COL24A1: variants seen among roughly 807,000 people sequenced by gnomAD.
COL24A1 encodes the protein collagen alpha-1(XXIV) chain.
COL24A1 carries 224 observed loss-of-function variants against 253.9 expected under a neutral mutation model. The ratio of observed to expected loss-of-function variants is 0.88; its 90% CI spans 0.79 to 0.99. The LOEUF is 0.99. COL24A1 is among the 50% of genes least tolerant of loss of function. COL24A1 has a pLI of 0.00. For synonymous variants in COL24A1, 685 were observed against 673.7 expected, an observed-to-expected ratio of 1.02 and a Z score of -0.26; for missense variants, 2,131 against 2,068.5, an observed-to-expected ratio of 1.03 and a Z score of -0.59.
At chr1:86,040,919 T>C (rs1016762310) in intron 12 of COL24A1, among the ~76,000 whole-genome samples, 1 of 152,166 alleles carries the variant, frequency 6.6e-6, no homozygotes, top group African/African-American at 2.4e-5. Flanking sequence ...CCACAAAATG[T>C]ATGTATCTGA....
At chr1:85,834,799 C>T (rs1331080724) in intron 43 of COL24A1, among the ~76,000 whole-genome samples, 2 of 152,144 alleles carry the variant, frequency 1.3e-5, no homozygotes, top group Admixed American at 1.3e-4. Context: ...TTATTCCCTC[C>T]ATGTCCTCTG....
At chr1:86,134,583 T>C (rs907956975) in intron 2 of COL24A1, among the ~76,000 whole-genome samples, 19 of 151,182 alleles carry the variant, frequency 1.3e-4, no homozygotes, top group African/African-American at 4.4e-4. Flanking sequence ...AACATCTTTA[T>C]TTCTGCCTTC....
intron 20 of COL24A1, among the ~76,000 whole-genome samples, chr1:85,981,128 T>C (rs931772530): frequency 2.0e-5 from 3 of 152,178 alleles, no homozygotes; most frequent in Admixed American, 2.0e-4. Flanking sequence ...ATCATCATTC[T>C]TCATGGAACT....
At chr1:85,924,482 T>G (rs1407646820) in intron 24 of COL24A1, among the ~76,000 whole-genome samples, 1 of 152,168 alleles carries the variant, frequency 6.6e-6, no homozygotes, top group African/African-American at 2.4e-5. Context: ...ATTACCAAGT[T>G]GGCTTCATCC....
In COL24A1 at chr1:85,968,793, C is replaced by A. The variant is rs558721251; in HGVS notation, c.2463+1434G>T. 3.9e-5 allele frequency among the ~76,000 whole-genome samples: 6 copies of A among 152,180 alleles called. No homozygotes were observed. The East Asian group carries it at 1.2e-3, about 29-fold the overall frequency. On this transcript the variant is annotated intron_variant, in intron 22 of 59. Coordinates refer to ENST00000370571, the MANE Select transcript of COL24A1 (RefSeq NM_152890.7). ...TATTTACATTATGGAAAGAATCTCA[C>A]TGGAATCTGGTATCAGCACATTTTC...
intron 19 of COL24A1, among the ~76,000 whole-genome samples, chr1:85,993,755 T>A (rs1379421599): frequency 6.6e-6 from 1 of 151,980 alleles, no homozygotes; most frequent in Admixed American, 6.6e-5. Context: ...AGAAAGGTAT[T>A]TAGTATTGGG....
chr1:86,005,331 A>G (rs1695839296), intron 19 of COL24A1, among the ~76,000 whole-genome samples: 1 of 152,126 alleles, frequency 6.6e-6, no homozygotes, highest in Non-Finnish European at 1.5e-5. Flanking sequence ...GTGAACATAT[A>G]TTAGGTAAAA....
chr1:85,878,752 T>A (rs542665043), intron 32 of COL24A1, among the ~76,000 whole-genome samples: 1 of 152,320 alleles, frequency 6.6e-6, no homozygotes, highest in South Asian at 2.1e-4. Context: ...TGTGGCATTA[T>A]CAAAGTTTTA....
chr1:85,996,353 C>G (rs754353992), intron 19 of COL24A1, among the ~76,000 whole-genome samples: 1 of 152,110 alleles, frequency 6.6e-6, no homozygotes, highest in Non-Finnish European at 1.5e-5. Context: ...ATCTATATAT[C>G]TGTCTCAGAA....
At chr1:86,082,705 A>G (rs984835259) in intron 7 of COL24A1, among the ~76,000 whole-genome samples, 1 of 143,152 alleles carries the variant, frequency 7.0e-6, no homozygotes, top group African/African-American at 2.6e-5. Context: ...TACAATTTAC[A>G]TATTTATATA....
In COL24A1 at chr1:85,945,807, T is replaced by C. The variant is rs189098049; in HGVS notation, c.2562+15442A>G. 2.6e-5 allele frequency among the ~76,000 whole-genome samples: 4 copies of C among 152,134 alleles called. No homozygotes were observed. In the East Asian group the frequency reaches 7.7e-4, roughly 29 times the overall value. ...AATGTTCTTGAGAGGAATATTAATA[T>C]AGTTCTTTATGACTTATTTGGTAAA... On this transcript the variant is annotated intron_variant, in intron 24 of 59. Transcript: ENST00000370571.
chr1:86,057,547 C>T lies in COL24A1; in HGVS notation c.1851+384G>A, dbSNP rs529317665. ...CTTTCTTTGTAGATATTTCTTTACT[C>T]CTGACAGTTTTTGTATAATAAAATG... On this transcript the variant is annotated intron_variant, in intron 10 of 59. Coordinates refer to ENST00000370571, the MANE Select transcript of COL24A1 (RefSeq NM_152890.7). 2.0e-5 allele frequency among the ~76,000 whole-genome samples: 3 copies of T among 152,072 alleles called. No individual in the cohort carries two copies. The South Asian group carries it at 6.2e-4, about 31-fold the overall frequency.
chr1:85,747,136 G>A (rs1665311549), intron 55 of COL24A1, among the ~76,000 whole-genome samples: 1 of 136,136 alleles, frequency 7.3e-6, no homozygotes, highest in Non-Finnish European at 1.5e-5. Flanking sequence ...ATTTGAGATG[G>A]AGTCTCGCTC....
At chr1:85,912,275 C>T (rs560174403) in intron 24 of COL24A1, among the ~76,000 whole-genome samples, 17 of 152,236 alleles carry the variant, frequency 1.1e-4, no homozygotes, top group Admixed American at 9.8e-4. Flanking sequence ...AGAGTGAACA[C>T]GTCTCAGGGT....
In COL24A1 at chr1:86,115,392, T is replaced by C. The variant is rs762549279; in HGVS notation, c.1492-14A>G. The C allele has an allele frequency of 6.2e-7, 1 of 1,612,984 alleles. No homozygotes were observed. Among genetic ancestry groups the C allele is most frequent in the Non-Finnish European group, 8.5e-7 (1 of 1,179,180 alleles). On this transcript the variant is annotated splice_polypyrimidine_tract_variant and intron_variant, in intron 3 of 59. Transcript: ENST00000370571. Reference sequence around the variant, plus strand: ...ACCAGGTGGACCCTTGGAAAACAAATGTCAAGACATTAGGCATGATAGTGG... The same window carrying C: ...ACCAGGTGGACCCTTGGAAAACAAACGTCAAGACATTAGGCATGATAGTGG...
chr1:85,876,465 T>C (rs1455837418), intron 33 of COL24A1, among the ~76,000 whole-genome samples: 1 of 152,168 alleles, frequency 6.6e-6, no homozygotes, highest in Non-Finnish European at 1.5e-5. Flanking sequence ...TCTAGGTGGA[T>C]GTTTAAAAAG....
chr1:86,015,834 C>T (rs918929477), intron 19 of COL24A1, among the ~76,000 whole-genome samples: 8 of 151,400 alleles, frequency 5.3e-5, no homozygotes, highest in Non-Finnish European at 1.0e-4. Context: ...CCTATTACCT[C>T]TCTATTGGTA....
chr1:85,872,696 A>G (rs965954391), intron 35 of COL24A1, among the ~76,000 whole-genome samples: 20 of 152,230 alleles, frequency 1.3e-4, no homozygotes, highest in African/African-American at 4.3e-4. Context: ...TTCAAGATGG[A>G]TTAAAGACTT....
rs1692003633 is a variant in COL24A1, at chr1:85,970,222, C to A, written c.2463+5G>T. ...CTTATGGAAAATTATTTATATGATA[C>A]CTACTCTTGGCCCCAGTTCCCCAAA... On this transcript the variant is annotated splice_donor_5th_base_variant and intron_variant, in intron 22 of 59. Coordinates refer to ENST00000370571, the MANE Select transcript of COL24A1 (RefSeq NM_152890.7). 6.3e-7 allele frequency: 1 copy of A among 1,585,138 alleles called. No homozygotes were observed. Among genetic ancestry groups the A allele is most frequent in the Non-Finnish European group, 8.6e-7 (1 of 1,167,326 alleles).
Sources: allele counts gnomAD v4.1 joint callset (sites outside exome capture counted in the v4.1 genomes callset), GRCh38; gene constraint gnomAD v4.1.1; transcripts MANE v1.5; gene names NCBI Gene and HGNC (gene_info 2026-07-23, HGNC 2026-07-21).